The following ADCY3 variants were observed in gnomAD, a reference collection of about 807,000 sequenced individuals.
ADCY3 encodes adenylate cyclase 3, also known as adenylate cyclase type 3.
A neutral mutation model predicts 119.4 loss-of-function variants in ADCY3; 70 were observed. That is an observed-to-expected ratio of 0.59 (90% CI 0.48 to 0.72). The LOEUF is 0.72. Ranked by LOEUF, ADCY3 falls within the 30% of genes least tolerant of loss-of-function variation. The pLI is 0.00. For synonymous variants in ADCY3, 672 were observed against 621.4 expected, an observed-to-expected ratio of 1.08 and a Z score of -1.21; for missense variants, 1,238 against 1,541.6, an observed-to-expected ratio of 0.80 and a Z score of 3.30.
chr2:24,866,147 T>C (rs1674259082), intron 3 of ADCY3, among the ~76,000 whole-genome samples: 1 of 151,794 alleles, frequency 6.6e-6, no homozygotes, highest in African/African-American at 2.4e-5. Context: ...TGCTGAGGAG[T>C]TCAAGATACC....
At chr2:24,847,830 C>A (rs1013036455) in intron 3 of ADCY3, among the ~76,000 whole-genome samples, 1 of 152,224 alleles carries the variant, frequency 6.6e-6, no homozygotes, top group African/African-American at 2.4e-5. Flanking sequence ...TGCTGGGAGT[C>A]CTGAGGGGCA....
intron 2 of ADCY3, among the ~76,000 whole-genome samples, chr2:24,902,237 C>G (rs556690394): frequency 2.0e-5 from 3 of 151,564 alleles, no homozygotes; most frequent in Admixed American, 6.6e-5. Context: ...TGTGCCACCA[C>G]GCCTGGCTAA....
At position 24,830,779 on chromosome 2, in the gene ADCY3, GT is replaced by G; in HGVS notation, c.2101del (p.Thr701ProfsTer17). ...GGCCCAGGTGTTCCTGGCCCAGCGG[GT>G]CCGGTCAATCCAAGTTGAGAAGGCC... is the stretch of plus-strand genomic sequence containing the variant. ...LVAFSTWIDR[T>X]RWARNTWAML... On this transcript the variant is annotated frameshift_variant, in exon 13 of 22. Transcript: ENST00000679454. LOFTEE classifies it high-confidence loss of function. The G allele has an allele frequency of 6.2e-7, 1 of 1,614,074 alleles. No individual in the cohort carries two copies.
rs976404739 is a variant in ADCY3 at position 24,819,336 on chromosome 2, T to C, written c.*596A>G. 1 of 152,644 alleles carries C rather than the reference T, an allele frequency of 6.6e-6. No homozygotes were observed. The highest frequency in any genetic ancestry group is 6.5e-5 in the Admixed American group (1 of 15,278). 9.5% of individuals were successfully genotyped at this position (152,644 alleles called of 1,614,324 possible). On this transcript the variant is annotated 3_prime_UTR_variant, in exon 22 of 22. Transcript: ENST00000679454. Reference sequence around the variant, plus strand: ...AAAATATAAATGTAGAAGATCTGTTTATATATTTTTCTTTCAGAAATAAAT... The same window carrying C: ...AAAATATAAATGTAGAAGATCTGTTCATATATTTTTCTTTCAGAAATAAAT...
intron 3 of ADCY3, among the ~76,000 whole-genome samples, chr2:24,860,684 G>A (rs1042153106): frequency 3.3e-5 from 5 of 152,246 alleles, no homozygotes; most frequent in African/African-American, 1.2e-4. Context: ...GGATGCCTGT[G>A]CTTGAGGGAC....
At chr2:24,848,947 T>C (rs1671966694) in intron 3 of ADCY3, among the ~76,000 whole-genome samples, 1 of 152,142 alleles carries the variant, frequency 6.6e-6, no homozygotes. Context: ...TGCCTTCCAT[T>C]TGAGTCTCAG....
At chr2:24,908,843 T>C (rs918416578) in intron 2 of ADCY3, among the ~76,000 whole-genome samples, 1 of 152,202 alleles carries the variant, frequency 6.6e-6, no homozygotes, top group African/African-American at 2.4e-5. Context: ...GGGACAATCA[T>C]GGGTCCCGGC....
intron 9 of ADCY3, 102 bp from the exon 10 acceptor site, chr2:24,835,038 T>A: frequency 7.1e-7 from 1 of 1,401,572 alleles, no homozygotes; most frequent in Non-Finnish European, 9.7e-7. Flanking sequence ...AAAGAGGGCA[T>A]ACTCGGAGGA....
At position 24,898,751 on chromosome 2, in the gene ADCY3, G is replaced by A. The variant is rs1259759810; in HGVS notation, c.675+19562C>T. 6.6e-6 allele frequency among the ~76,000 whole-genome samples: 1 copy of A among 152,146 alleles called. No individual in the cohort carries two copies. The highest frequency in any genetic ancestry group is 2.4e-5 in the African/African-American group (1 of 41,426). On this transcript the variant is annotated intron_variant, in intron 2 of 21. Transcript: ENST00000679454. The surrounding 1 kb of genome is among the most constrained non-coding windows in gnomAD (Gnocchi z 4.3). ...ACCCTTGCCTGGGGAAGCCTGGGAGGTTCGGGGAAGCAAACAGAATTCCTA... is the reference window on the plus strand; with the variant it reads ...ACCCTTGCCTGGGGAAGCCTGGGAGATTCGGGGAAGCAAACAGAATTCCTA...
chr2:24,856,636 G>A (rs1295267354), intron 3 of ADCY3, among the ~76,000 whole-genome samples: 1 of 152,218 alleles, frequency 6.6e-6, no homozygotes, highest in Non-Finnish European at 1.5e-5. Context: ...ACCACAATGT[G>A]TGAAATCTGG....
At chr2:24,883,448 G>A (rs1676655882) in intron 2 of ADCY3, among the ~76,000 whole-genome samples, 1 of 152,182 alleles carries the variant, frequency 6.6e-6, no homozygotes, top group Non-Finnish European at 1.5e-5. Context: ...AGGAAGGAAA[G>A]CTTGGGCTGG....
intron 20 of ADCY3, 138 bp from the exon 21 acceptor site, chr2:24,820,986 C>G (rs1032084392): frequency 2.4e-6 from 3 of 1,272,370 alleles, no homozygotes; most frequent in Non-Finnish European, 3.2e-6. Flanking sequence ...TGGCTGTATG[C>G]TATTGGAGGG....
At chr2:24,820,903 C>G in intron 20 of ADCY3, 55 bp from the exon 21 acceptor site, 1 of 1,598,444 alleles carries the variant, frequency 6.3e-7, no homozygotes, top group Non-Finnish European at 8.5e-7. Context: ...TGTTATGGGC[C>G]TCAGAAGCCA....
chr2:24,826,181 G>A (rs905989782), intron 15 of ADCY3, 55 bp from the exon 16 acceptor site: 6 of 1,489,960 alleles, frequency 4.0e-6, no homozygotes, highest in South Asian at 3.4e-5. Flanking sequence ...CCTGGAGGGG[G>A]CCTGATTCCC....
chr2:24,864,525 G>A (rs759328039), intron 3 of ADCY3, among the ~76,000 whole-genome samples: 1 of 152,186 alleles, frequency 6.6e-6, no homozygotes, highest in Non-Finnish European at 1.5e-5. Context: ...TACATGCAAG[G>A]AGATATCAGC....
chr2:24,823,553 A>G lies in ADCY3; in HGVS notation c.2737-198T>C, dbSNP rs571347357. On this transcript the variant is annotated intron_variant, in intron 17 of 21. Coordinates refer to ENST00000679454, the MANE Select transcript of ADCY3 (RefSeq NM_004036.5). ...GTTTCCCAGGCTGGAGTGCAGTGGC[A>G]GTAAACAAGCACAATTAGGTATGAT... 1.1e-4 allele frequency among the ~76,000 whole-genome samples: 17 copies of G among 150,410 alleles called. No individual in the cohort carries two copies. In the South Asian group the frequency reaches 3.6e-3, roughly 32 times the overall value.
rs756416502 is a variant in ADCY3 at position 24,834,761 on chromosome 2, T to A, written c.1805+33A>T. 2 of 1,601,506 alleles carry A rather than the reference T, an allele frequency of 1.2e-6. No homozygotes were observed. The highest frequency in any genetic ancestry group is 2.2e-5 in the South Asian group (2 of 90,800). On this transcript the variant is annotated intron_variant, in intron 10 of 21. Transcript: ENST00000679454. The surrounding 1 kb of genome is among the most constrained non-coding windows in gnomAD (Gnocchi z 4.2). ...ATCCCTTGTCAGGGCCCGGGAGGAG[T>A]GGTGGGCCTGGACGCTTCCGGGTGG...
intron 12 of ADCY3, 26 bp downstream of exon 12, chr2:24,831,636 G>A: frequency 6.3e-7 from 1 of 1,593,484 alleles, no homozygotes; most frequent in Non-Finnish European, 8.6e-7. Context: ...AGAGGCTTCT[G>A]AGCTCAGTAG....
intron 3 of ADCY3, among the ~76,000 whole-genome samples, chr2:24,852,535 G>A (rs1026685133): frequency 3.9e-5 from 6 of 152,346 alleles, no homozygotes; most frequent in South Asian, 2.1e-4. Context: ...CTGAGGAGAG[G>A]AGGGGCCCAC....
Sources: gnomAD v4.1 joint callset for allele counts (sites outside exome capture counted in the v4.1 genomes callset) on GRCh38, gnomAD v4.1.1 for gene constraint, Gnocchi (gnomAD v3.1) non-coding constraint, MANE v1.5 for transcripts, NCBI Gene and HGNC (gene_info 2026-07-23, HGNC 2026-07-21) for gene names.